The following TAF4B variants were observed in gnomAD, a reference collection of about 807,000 sequenced individuals.
TAF4B encodes transcription initiation factor TFIID subunit 4B.
A neutral mutation model predicts 86.4 loss-of-function variants in TAF4B; 38 were observed. That is an observed-to-expected ratio of 0.44 (90% CI 0.34 to 0.58). TAF4B has a LOEUF of 0.58. Ranked by LOEUF, TAF4B falls within the 20% of genes least tolerant of loss-of-function variation. The pLI, the probability that TAF4B is intolerant of heterozygous loss-of-function variation, is 0.02. For synonymous variants in TAF4B, 388 were observed against 391.2 expected (o/e 0.99, Z 0.10); for missense variants, 988 against 1,027.6 (o/e 0.96, Z 0.53).
chr18:26,388,860 G>T (rs12967940), intron 14 of TAF4B, among the ~76,000 whole-genome samples: 31,823 of 152,068 alleles, frequency 0.21, 4,194 homozygotes, highest in Non-Finnish European at 0.3. Flanking sequence ...CTGTTGCCCA[G>T]GCAGGAATGC....
At chr18:26,385,906 C>T in intron 14 of TAF4B, among the ~76,000 whole-genome samples, 1 of 152,182 alleles carries the variant, frequency 6.6e-6, no homozygotes, top group East Asian at 1.9e-4. Context: ...CTGTGGATAA[C>T]TGAGAGTAGC....
rs1279063007 is a variant in TAF4B, at chr18:26,389,960, A to G, written c.2537A>G (p.Gln846Arg). 3 of 1,614,058 alleles carry G rather than the reference A, an allele frequency of 1.9e-6. No homozygotes were observed. In the African/African-American group the frequency reaches 4.0e-5, roughly 22 times the overall value. ...CLRDLIFCME[Q>R]EREMKYSRAL... The stretch of plus-strand genomic sequence containing the variant: ...AGGGACTTGATATTTTGTATGGAAC[A>G]GGAACGGGAGATGAAGTATTCTCGA... The change falls in exon 15 of 15, where the codon CAG (glutamine) becomes CGG (arginine). Residue 846 changes from glutamine to arginine, a missense_variant. By Grantham distance (43) the Gln-to-Arg change is conservative (BLOSUM62 1). This residue lies in a region of TAF4B where 216 missense variants were observed against 238.4 expected (regional missense o/e 0.91). Coordinates refer to ENST00000269142, the MANE Select transcript of TAF4B (RefSeq NM_005640.3).
At chr18:26,268,972 G>A (rs1224735137) in intron 3 of TAF4B, among the ~76,000 whole-genome samples, 2 of 152,070 alleles carry the variant, frequency 1.3e-5, no homozygotes, top group African/African-American at 2.4e-5. Context: ...ACAGGTGTGT[G>A]CCACCATGCC....
At chr18:26,278,567 C>A (rs1441576612) in intron 5 of TAF4B, among the ~76,000 whole-genome samples, 1 of 151,846 alleles carries the variant, frequency 6.6e-6, no homozygotes, top group African/African-American at 2.4e-5. Context: ...CCTTGGCCCG[C>A]CAAAGTACTG....
intron 7 of TAF4B, among the ~76,000 whole-genome samples, chr18:26,288,941 T>G (rs1791766): frequency 0.36 from 54,259 of 152,088 alleles, 11,837 homozygotes; most frequent in East Asian, 0.81. Context: ...TGAATTCTGC[T>G]TTCTTGTTTG....
At chr18:26,385,697 TC>T (rs1978333965) in intron 14 of TAF4B, among the ~76,000 whole-genome samples, 1 of 147,748 alleles carries the variant, frequency 6.8e-6, no homozygotes, top group Non-Finnish European at 1.5e-5. Flanking sequence ...TTTTTTTTCT[TC>T]TTCTTCTTCT....
intron 9 of TAF4B, among the ~76,000 whole-genome samples, chr18:26,296,653 A>G (rs1214695718): frequency 2.0e-5 from 3 of 152,212 alleles, no homozygotes; most frequent in South Asian, 2.1e-4. Flanking sequence ...CCATGTACCA[A>G]GTATCACTGT....
intron 10 of TAF4B, among the ~76,000 whole-genome samples, chr18:26,316,159 T>G (rs993449850): frequency 2.6e-5 from 4 of 152,116 alleles, no homozygotes; most frequent in African/African-American, 7.2e-5. Context: ...GTCAAATTTT[T>G]GGGGCCAGTA....
intron 14 of TAF4B, among the ~76,000 whole-genome samples, chr18:26,364,993 AATTCT>A (rs1456896482): frequency 6.7e-6 from 1 of 149,422 alleles, no homozygotes; most frequent in Non-Finnish European, 1.5e-5. Flanking sequence ...GCTACTCTAT[AATTCT>A]ATTCTTTTTT....
At chr18:26,319,754 T>A (rs775567277) in intron 10 of TAF4B, among the ~76,000 whole-genome samples, 2 of 152,042 alleles carry the variant, frequency 1.3e-5, no homozygotes, top group Non-Finnish European at 2.9e-5. Flanking sequence ...CACGACCAGC[T>A]ATTTTTTTTG....
In TAF4B at chr18:26,227,133, G is replaced by C. The variant is rs1381556852; in HGVS notation, c.200G>C (p.Gly67Ala). The change falls in exon 1 of 15, where the codon GGG becomes GCG. Residue 67 changes from glycine to alanine, a missense_variant. By Grantham distance (60) the Gly-to-Ala change is moderately conservative (BLOSUM62 0). Transcript: ENST00000269142. ...TASQPLRSPV[G>A]TLVTKVAPVS... is the part of the protein sequence containing the mutation. ...TCCCAGCCCCTGCGGTCCCCCGTGG[G>C]GACCCTGGTGACCAAAGTGGCTCCG... The C allele has an allele frequency of 6.8e-6, 11 of 1,613,840 alleles. No individual in the cohort carries two copies. The highest frequency in any genetic ancestry group is 9.3e-6 in the Non-Finnish European group (11 of 1,179,922).
intron 1 of TAF4B, among the ~76,000 whole-genome samples, chr18:26,245,830 A>G (rs1373890588): frequency 6.6e-6 from 1 of 152,156 alleles, no homozygotes; most frequent in Non-Finnish European, 1.5e-5. Flanking sequence ...CATTTTTTCA[A>G]CTGCATTGTA....
chr18:26,291,719 A>AAG (rs1555678575), intron 7 of TAF4B, among the ~76,000 whole-genome samples: 1 of 150,810 alleles, frequency 6.6e-6, no homozygotes. Flanking sequence ...AAAAAAAAAA[A>AAG]AAAGAAAATA....
intron 1 of TAF4B, among the ~76,000 whole-genome samples, chr18:26,262,168 G>A (rs1167192252): frequency 6.6e-6 from 1 of 151,110 alleles, no homozygotes; most frequent in African/African-American, 2.4e-5. Flanking sequence ...AGATGCACCT[G>A]TCTCAAGTTT....
chr18:26,256,484 C>T (rs527363789), intron 1 of TAF4B: 5 of 618,578 alleles, frequency 8.1e-6, no homozygotes, highest in Admixed American at 3.0e-5. Flanking sequence ...TGATTTTTCT[C>T]AGTTGTTTTT....
chr18:26,309,606 A>G (rs188350297), intron 9 of TAF4B, among the ~76,000 whole-genome samples: 4 of 152,196 alleles, frequency 2.6e-5, no homozygotes, highest in Admixed American at 2.0e-4. Context: ...AAATTTTGAT[A>G]TGTTAATTTT....
intron 1 of TAF4B, among the ~76,000 whole-genome samples, chr18:26,247,036 T>A (rs1378065637): frequency 6.6e-6 from 1 of 152,066 alleles, no homozygotes; most frequent in Admixed American, 6.5e-5. Flanking sequence ...TGGTTAATTT[T>A]ATATTTTTAG....
intron 12 of TAF4B, among the ~76,000 whole-genome samples, chr18:26,333,856 C>G (rs1271844739): frequency 6.6e-6 from 1 of 151,942 alleles, no homozygotes; most frequent in African/African-American, 2.4e-5. Context: ...TACTTTGTCT[C>G]CTTATATCAT....
chr18:26,376,699 A>G (rs1382366473), intron 14 of TAF4B, among the ~76,000 whole-genome samples: 3 of 150,918 alleles, frequency 2.0e-5, no homozygotes, highest in Non-Finnish European at 4.4e-5. Context: ...CCTGGCTAGA[A>G]CCTCCAGTAC....
Sources: gnomAD v4.1 joint callset for allele counts (sites outside exome capture counted in the v4.1 genomes callset) on GRCh38, gnomAD v4.1.1 for gene constraint, gnomAD v4.1.1 regional missense constraint, MANE v1.5 for transcripts, NCBI Gene and HGNC (gene_info 2026-07-23, HGNC 2026-07-21) for gene names.